The following ZBTB16 variants were observed in gnomAD, a reference collection of about 807,000 sequenced individuals.
The protein encoded by ZBTB16 is zinc finger and BTB domain containing 16.
A neutral mutation model predicts 56.8 loss-of-function variants in ZBTB16; 8 were observed. That is an observed-to-expected ratio of 0.14 (90% CI 0.08 to 0.25). The LOEUF is 0.25. Ranked by LOEUF, ZBTB16 falls within the 10% of genes least tolerant of loss-of-function variation. The pLI is 1.00. For missense variants in ZBTB16, 625 were observed against 903.0 expected (o/e 0.69, Z 3.95); for synonymous variants, 363 against 368.5 (o/e 0.98, Z 0.17).
At chr11:114,156,272 AG>A (rs1475554052) in intron 2 of ZBTB16, 64 bp from the exon 3 acceptor site, 17 of 1,535,626 alleles carry the variant, frequency 1.1e-5, no homozygotes, top group Non-Finnish European at 1.5e-5. Flanking sequence ...GCCCCCAGGT[AG>A]GGGATGGCCC....
chr11:114,256,022 G>GTTTTTTTTTT lies in ZBTB16; in HGVS notation c.*5470_*5479dup, dbSNP rs61107073. Reference sequence around the variant, plus strand: ...TTATTGAAGTACTTGGTTTTGTTTTGTTTTTTTTTTTTGTTTTTTTTGCCT... The same window carrying GTTTTTTTTTT: ...TTATTGAAGTACTTGGTTTTGTTTTGTTTTTTTTTTTTTTTTTTTTTTGTTTTTTTTGCCT... On this transcript the variant is annotated 3_prime_UTR_variant, in exon 7 of 7. Transcript: ENST00000335953. Among the ~76,000 whole-genome samples, 1 of 143,080 alleles carries GTTTTTTTTTT rather than the reference G, an allele frequency of 7.0e-6. No individual in the cohort carries two copies. The highest frequency in any genetic ancestry group is 1.5e-5 in the Non-Finnish European group (1 of 65,994). 93.9% of individuals were successfully genotyped at this position (143,080 alleles called of 152,430 possible). A position where few individuals can be genotyped will look rare whatever the true frequency, so the allele number is the denominator to read the frequency against.
At chr11:114,094,527 A>G (rs1401189336) in intron 2 of ZBTB16, among the ~76,000 whole-genome samples, 1 of 152,106 alleles carries the variant, frequency 6.6e-6, no homozygotes, top group African/African-American at 2.4e-5. Context: ...CTTCTAGGGG[A>G]TGGTGGCAAA....
At chr11:114,119,948 G>A (rs1941295544) in intron 2 of ZBTB16, among the ~76,000 whole-genome samples, 1 of 152,174 alleles carries the variant, frequency 6.6e-6, no homozygotes, top group African/African-American at 2.4e-5. Flanking sequence ...TCACCGCTGG[G>A]AGTTGTTCAC....
At chr11:114,088,926 C>A (rs959822957) in intron 2 of ZBTB16, among the ~76,000 whole-genome samples, 2 of 152,170 alleles carry the variant, frequency 1.3e-5, no homozygotes, top group Admixed American at 6.5e-5. Context: ...GGCCCCCCCA[C>A]ACAATGCCTG....
intron 2 of ZBTB16, among the ~76,000 whole-genome samples, chr11:114,137,688 C>T (rs1310040326): frequency 1.3e-5 from 2 of 152,062 alleles, no homozygotes; most frequent in Non-Finnish European, 2.9e-5. Flanking sequence ...TACTCTATTA[C>T]AGTTTATTTC....
At position 114,064,712 on chromosome 11, in the gene ZBTB16, C is replaced by G. The variant is rs542011357; in HGVS notation, c.1268+144C>G. On this transcript the variant is annotated intron_variant, in intron 2 of 6. Coordinates refer to ENST00000335953, the MANE Select transcript of ZBTB16 (RefSeq NM_006006.6). The surrounding 1 kb of genome is among the most constrained non-coding windows in gnomAD (Gnocchi z 4.2). ...AAACCAGAACACTTCTTCTAAAGTTCTGGCGGGGAGGGGAGCAGGTTTTTT... is the reference window on the plus strand; with the variant it reads ...AAACCAGAACACTTCTTCTAAAGTTGTGGCGGGGAGGGGAGCAGGTTTTTT... 7.0e-5 allele frequency: 81 copies of G among 1,163,764 alleles called. No individual in the cohort carries two copies. The highest frequency in any genetic ancestry group is 4.2e-5 in the Non-Finnish European group (34 of 814,994). 72.1% of individuals were successfully genotyped at this position (1,163,764 alleles called of 1,614,324 possible).
intron 2 of ZBTB16, among the ~76,000 whole-genome samples, chr11:114,119,716 CTCT>C (rs1423955837): frequency 2.0e-5 from 3 of 152,126 alleles, no homozygotes; most frequent in East Asian, 3.9e-4. Context: ...TCGTGTCAGT[CTCT>C]GAGTTAGGTT....
At chr11:114,186,715 G>T (rs185677854) in intron 3 of ZBTB16, among the ~76,000 whole-genome samples, 1 of 152,096 alleles carries the variant, frequency 6.6e-6, no homozygotes, top group African/African-American at 2.4e-5. Flanking sequence ...TATCTTGGTT[G>T]TTCTGATTTT....
intron 3 of ZBTB16, 84 bp from the exon 4 acceptor site, chr11:114,186,868 T>A: frequency 7.4e-7 from 1 of 1,349,934 alleles, no homozygotes; most frequent in Non-Finnish European, 1.1e-6. Flanking sequence ...TTCCCTAGTG[T>A]CTACCTGCAC....
At chr11:114,092,667 G>C (rs1033060630) in intron 2 of ZBTB16, among the ~76,000 whole-genome samples, 2 of 152,084 alleles carry the variant, frequency 1.3e-5, no homozygotes, top group African/African-American at 2.4e-5. Context: ...CTTAGTTTGT[G>C]CATCTCTAAA....
At chr11:114,136,809 G>A (rs1941808687) in intron 2 of ZBTB16, among the ~76,000 whole-genome samples, 1 of 152,138 alleles carries the variant, frequency 6.6e-6, no homozygotes, top group African/African-American at 2.4e-5. Context: ...TAAGATTCAA[G>A]TGTAGTTTTA....
intron 3 of ZBTB16, among the ~76,000 whole-genome samples, chr11:114,164,693 C>T (rs1942693627): frequency 6.6e-6 from 1 of 152,188 alleles, no homozygotes; most frequent in Non-Finnish European, 1.5e-5. Context: ...TGCCCTCAGC[C>T]CCATTCCCTA....
intron 5 of ZBTB16, among the ~76,000 whole-genome samples, chr11:114,246,404 A>G (rs1486165060): frequency 6.6e-6 from 1 of 152,258 alleles, no homozygotes; most frequent in East Asian, 1.9e-4. Flanking sequence ...TTTTTTTCTC[A>G]ACTGTAAAAT....
At chr11:114,229,369 G>T (rs761915880) in intron 4 of ZBTB16, among the ~76,000 whole-genome samples, 3 of 152,204 alleles carry the variant, frequency 2.0e-5, no homozygotes, top group Non-Finnish European at 4.4e-5. Context: ...AGCTAGCAGA[G>T]TTTTCTCTAT....
chr11:114,139,626 CGTGTGTGTGTGTGT>C (rs750514241), intron 2 of ZBTB16, among the ~76,000 whole-genome samples: 2 of 138,568 alleles, frequency 1.4e-5, no homozygotes, highest in South Asian at 4.7e-4. Context: ...CCGCGGTCCA[CGTGTGTGTGTGTGT>C]GTGTGTGTGT....
intron 2 of ZBTB16, among the ~76,000 whole-genome samples, chr11:114,104,473 G>A (rs986824603): frequency 1.3e-5 from 2 of 152,106 alleles, no homozygotes; most frequent in Non-Finnish European, 2.9e-5. Flanking sequence ...TTCTTTCATG[G>A]CAGGAAGGGA....
chr11:114,235,657 T>G (rs558059692), intron 4 of ZBTB16, among the ~76,000 whole-genome samples: 2 of 23,622 alleles, frequency 8.5e-5, no homozygotes, highest in Admixed American at 8.1e-4. Context: ...TTTCTTTCTT[T>G]CTTTCTTTCT....
intron 2 of ZBTB16, among the ~76,000 whole-genome samples, chr11:114,067,916 C>T (rs1056118874): frequency 6.6e-6 from 1 of 151,956 alleles, no homozygotes; most frequent in African/African-American, 2.4e-5. Flanking sequence ...TTCTCCCCCT[C>T]ACCCTCAAAA....
chr11:114,207,958 C>T (rs560760364), intron 4 of ZBTB16, among the ~76,000 whole-genome samples: 12 of 152,218 alleles, frequency 7.9e-5, no homozygotes, highest in South Asian at 6.2e-4. Flanking sequence ...TCTGTTGGCC[C>T]GGCTTGTCCC....
Sources: allele counts gnomAD v4.1 joint callset (sites outside exome capture counted in the v4.1 genomes callset), GRCh38; gene constraint gnomAD v4.1.1; non-coding constraint Gnocchi (gnomAD v3.1); transcripts MANE v1.5; gene names NCBI Gene and HGNC (gene_info 2026-07-23, HGNC 2026-07-21).